HEPHL1: variants seen among roughly 807,000 people sequenced by gnomAD.
HEPHL1 encodes the protein hephaestin like 1.
In HEPHL1, 123 loss-of-function variants were observed where a neutral mutation model predicts 122.0. The observed-to-expected ratio is 1.01, with a 90% CI of 0.87 to 1.17. HEPHL1 has a LOEUF of 1.17. Among genes scored for constraint, HEPHL1 ranks in the 50% most tolerant of loss-of-function variants. The pLI is 0.00. For missense variants in HEPHL1, 1,452 were observed against 1,430.5 expected (o/e 1.01, Z -0.24); for synonymous variants, 527 against 508.9 (o/e 1.04, Z -0.48).
intron 4 of HEPHL1, among the ~76,000 whole-genome samples, chr11:94,066,341 G>A (rs999791311): frequency 6.6e-6 from 1 of 152,230 alleles, no homozygotes; most frequent in Non-Finnish European, 1.5e-5. Context: ...GATCACTTGA[G>A]GCCAGGAGTT....
intron 9 of HEPHL1, among the ~76,000 whole-genome samples, chr11:94,080,709 A>G (rs1167693774): frequency 1.3e-5 from 2 of 152,274 alleles, no homozygotes; most frequent in African/African-American, 2.4e-5. Flanking sequence ...TTAACTGATC[A>G]TTAGAGAAAT....
chr11:94,097,104 T>C (rs1052668815), intron 13 of HEPHL1, among the ~76,000 whole-genome samples: 18 of 152,238 alleles, frequency 1.2e-4, no homozygotes, highest in African/African-American at 4.3e-4. Context: ...ATTTTAATTG[T>C]GCTGTTAGTG....
chr11:94,083,516 C>T (rs1310658856), intron 10 of HEPHL1, among the ~76,000 whole-genome samples: 2 of 152,152 alleles, frequency 1.3e-5, no homozygotes, highest in Non-Finnish European at 2.9e-5. Context: ...TAAAAGTGCC[C>T]GAAGCAAGTA....
At chr11:94,089,859 C>T (rs985912937) in intron 12 of HEPHL1, among the ~76,000 whole-genome samples, 2 of 152,090 alleles carry the variant, frequency 1.3e-5, no homozygotes, top group Non-Finnish European at 2.9e-5. Flanking sequence ...AATAAATCCA[C>T]GTTCTCTCCG....
At chr11:94,098,418 C>T (rs1377252553) in intron 13 of HEPHL1, among the ~76,000 whole-genome samples, 5 of 152,260 alleles carry the variant, frequency 3.3e-5, no homozygotes, top group African/African-American at 7.2e-5. Context: ...GTGGGTAACC[C>T]GACCTTTCTC....
At position 94,111,559 on chromosome 11, in the gene HEPHL1, C is replaced by T; in HGVS notation, c.3231C>T (p.Thr1077=). 2 of 1,604,426 alleles carry T rather than the reference C, an allele frequency of 1.2e-6. No individual in the cohort carries two copies. Among genetic ancestry groups the T allele is most frequent in the Non-Finnish European group, 1.7e-6 (2 of 1,175,156 alleles). ...RNIDNRIPYS[T]TSPGVASHPA... ...CAGACAACAGGATTCCTTACTCCAC[C>T]ACATCTCCTGGAGTGGCATCTCACC... Residue 1077 remains threonine, a synonymous_variant, in exon 19 of 20, where the codon ACC becomes ACT. Coordinates refer to ENST00000315765, the MANE Select transcript of HEPHL1 (RefSeq NM_001098672.2).
chr11:94,056,040 C>A lies in HEPHL1; in HGVS notation c.416-7468C>A, dbSNP rs1945933475. ...TGTTCTTTAAATTAAGTCAGTTTTT[C>A]CTTCCTGTATTTTGATGCATTTTTG... is the stretch of plus-strand genomic sequence containing the variant. On this transcript the variant is annotated intron_variant, in intron 2 of 19. Transcript: ENST00000315765. The A allele has an allele frequency of 3.6e-5, 19 of 535,080 alleles. 1 individual carries two copies. In the South Asian group the frequency reaches 4.2e-4, roughly 12 times the overall value. The allele number at this position is 535,080 out of a possible 1,614,324, so 33.1% of individuals were successfully genotyped here.
chr11:94,057,603 T>C (rs1341012085), intron 2 of HEPHL1, among the ~76,000 whole-genome samples: 6 of 152,192 alleles, frequency 3.9e-5, no homozygotes, highest in South Asian at 2.1e-4. Context: ...AAAATTCCAA[T>C]TGGATTCTTT....
At chr11:94,067,947 T>A (rs1269427786) in intron 5 of HEPHL1, among the ~76,000 whole-genome samples, 197 bp downstream of exon 5, 2 of 152,166 alleles carry the variant, frequency 1.3e-5, no homozygotes, top group Non-Finnish European at 2.9e-5. Context: ...CACTTCTGTA[T>A]GAAAAAAGTG....
At chr11:94,082,794 G>T (rs1385199165) in intron 10 of HEPHL1, among the ~76,000 whole-genome samples, 1 of 152,068 alleles carries the variant, frequency 6.6e-6, no homozygotes, top group African/African-American at 2.4e-5. Flanking sequence ...TTAGATGAAG[G>T]AACACAAATT....
intron 1 of HEPHL1, among the ~76,000 whole-genome samples, chr11:94,043,979 T>C (rs1458253976): frequency 6.6e-6 from 1 of 151,642 alleles, no homozygotes; most frequent in Non-Finnish European, 1.5e-5. Flanking sequence ...CTTGCAGGAG[T>C]GTGTCTCAGA....
At chr11:94,024,908 T>C (rs1945611432) in intron 1 of HEPHL1, among the ~76,000 whole-genome samples, 1 of 152,146 alleles carries the variant, frequency 6.6e-6, no homozygotes, top group Non-Finnish European at 1.5e-5. Flanking sequence ...GCATTCAAAA[T>C]CATTGAAGTA....
chr11:94,036,525 G>C (rs1260579605), intron 1 of HEPHL1, among the ~76,000 whole-genome samples: 2 of 152,122 alleles, frequency 1.3e-5, no homozygotes, highest in Non-Finnish European at 2.9e-5. Context: ...ATAGAACAGA[G>C]CTTCTAGAGT....
intron 9 of HEPHL1, among the ~76,000 whole-genome samples, chr11:94,079,573 G>A (rs1946152507): frequency 6.6e-6 from 1 of 152,148 alleles, no homozygotes; most frequent in African/African-American, 2.4e-5. Context: ...AGAACCATGA[G>A]GTTGCTTAGT....
intron 2 of HEPHL1, among the ~76,000 whole-genome samples, chr11:94,046,361 G>A (rs555628538): frequency 6.6e-6 from 1 of 151,434 alleles, no homozygotes; most frequent in African/African-American, 2.4e-5. Flanking sequence ...GCCTCTCAAA[G>A]TGCTGGGATT....
chr11:94,073,147 C>A lies in HEPHL1; in HGVS notation c.1355C>A (p.Ala452Asp). Residue 452 changes from alanine (A) to aspartate (D), a missense_variant, in exon 7 of 20, where the codon GCC (alanine) becomes GAC (aspartate). Ala to Asp is a moderately radical substitution (Grantham distance 126, BLOSUM62 -2). Coordinates refer to ENST00000315765, the MANE Select transcript of HEPHL1 (RefSeq NM_001098672.2). ...TKRKRLSAEE[A>D]HLGILGPVIK... ...AGAAAGAGACTCTCTGCTGAAGAAG[C>A]CCATCTTGGAATTCTTGGTACAGTA... 6.2e-7 allele frequency: 1 copy of A among 1,613,118 alleles called. No individual in the cohort carries two copies. Among genetic ancestry groups the A allele is most frequent in the Non-Finnish European group, 8.5e-7 (1 of 1,179,448 alleles).
intron 13 of HEPHL1, among the ~76,000 whole-genome samples, chr11:94,097,179 C>T (rs1015957106): frequency 3.3e-5 from 5 of 152,206 alleles, no homozygotes; most frequent in African/African-American, 4.8e-5. Context: ...TCCCTCTACA[C>T]ACTGCTTTAA....
Position 94,101,238 on chromosome 11 carries a change from A to G in HEPHL1, c.2478A>G (p.Ile826Met). 1 of 1,614,042 alleles carries G rather than the reference A, an allele frequency of 6.2e-7. No homozygotes were observed. Among genetic ancestry groups the G allele is most frequent in the Non-Finnish European group, 8.5e-7 (1 of 1,179,888 alleles). The change falls in exon 14 of 20, where the codon ATA becomes ATG. Residue 826 changes from isoleucine to methionine, a missense_variant. By Grantham distance (10) the Ile-to-Met change is conservative (BLOSUM62 1). Coordinates refer to ENST00000315765, the MANE Select transcript of HEPHL1 (RefSeq NM_001098672.2). ...HAEVGNTVLI[I>M]FKNKASRPYS... ...AGGTGGGCAACACCGTCCTGATCATATTTAAGAACAAAGCCAGTAGGCCCT... is the reference window on the plus strand; with the variant it reads ...AGGTGGGCAACACCGTCCTGATCATGTTTAAGAACAAAGCCAGTAGGCCCT...
At position 94,112,734 on chromosome 11, in the gene HEPHL1, A is replaced by C. The variant is rs1320255324; in HGVS notation, c.*840A>C. On this transcript the variant is annotated 3_prime_UTR_variant, in exon 20 of 20. Transcript: ENST00000315765. ...TAGGCTCTCCCTTTATGAATCAGGG[A>C]CTCCCTGAGAGTTTAGAGCAAGCTT... 6.6e-6 allele frequency: 1 copy of C among 152,152 alleles called. No individual in the cohort carries two copies. The highest frequency in any genetic ancestry group is 1.5e-5 in the Non-Finnish European group (1 of 68,018). 9.4% of individuals were successfully genotyped at this position (152,152 alleles called of 1,614,324 possible). A position where few individuals can be genotyped will look rare whatever the true frequency, so the allele number is the denominator to read the frequency against.
Sources: allele counts gnomAD v4.1 joint callset (sites outside exome capture counted in the v4.1 genomes callset), GRCh38; gene constraint gnomAD v4.1.1; transcripts MANE v1.5; gene names NCBI Gene and HGNC (gene_info 2026-07-23, HGNC 2026-07-21).